The following AUTS2 variants were observed in gnomAD, a reference collection of about 807,000 sequenced individuals.
AUTS2 encodes autism susceptibility gene 2 protein.
AUTS2 carries 17 observed loss-of-function variants against 112.4 expected under a neutral mutation model. The observed-to-expected ratio is 0.15, with a 90% CI of 0.10 to 0.23. The LOEUF (loss-of-function observed/expected upper bound fraction) is 0.23, where lower values mean the gene tolerates loss of function less well. Ranked by LOEUF, AUTS2 falls within the 10% of genes least tolerant of loss-of-function variation. AUTS2 has a pLI of 1.00. For synonymous variants in AUTS2, 751 were observed against 702.7 expected, an observed-to-expected ratio of 1.07 and a Z score of -1.09; for missense variants, 1,510 against 1,701.6, an observed-to-expected ratio of 0.89 and a Z score of 1.98.
intron 5 of AUTS2, among the ~76,000 whole-genome samples, chr7:70,676,571 C>A (rs1350680108): frequency 1.3e-5 from 2 of 152,068 alleles, no homozygotes; most frequent in Non-Finnish European, 2.9e-5. Flanking sequence ...CAGACTCAGA[C>A]TTCACTTAAA....
intron 3 of AUTS2, among the ~76,000 whole-genome samples, chr7:70,128,061 A>G (rs1020772868): frequency 2.0e-5 from 3 of 152,032 alleles, no homozygotes; most frequent in Non-Finnish European, 4.4e-5. Flanking sequence ...CCACATTGTT[A>G]TAATTAGATT....
At chr7:70,169,241 T>C (rs1164270055) in intron 4 of AUTS2, among the ~76,000 whole-genome samples, 1 of 151,622 alleles carries the variant, frequency 6.6e-6, no homozygotes, top group Non-Finnish European at 1.5e-5. Flanking sequence ...TGATTATTAA[T>C]ATATATATAT....
intron 4 of AUTS2, among the ~76,000 whole-genome samples, chr7:70,145,668 A>T (rs1807088612): frequency 6.6e-6 from 1 of 152,168 alleles, no homozygotes; most frequent in Admixed American, 6.6e-5. Flanking sequence ...TGACATACAT[A>T]TAAATTTTGA....
chr7:70,105,014 T>TA (rs1049990415), intron 2 of AUTS2, among the ~76,000 whole-genome samples: 2 of 152,196 alleles, frequency 1.3e-5, no homozygotes, highest in African/African-American at 4.8e-5. Flanking sequence ...AAGGACAGCT[T>TA]ACGTTTTTAA....
At chr7:70,368,753 T>C (rs73173570) in intron 4 of AUTS2, among the ~76,000 whole-genome samples, 4,833 of 152,238 alleles carry the variant, frequency 0.032, 90 homozygotes, top group Middle Eastern at 0.078. Context: ...TGGTGATCAG[T>C]GCTCAAGACC....
chr7:70,398,748 A>G (rs1794195797), intron 4 of AUTS2, among the ~76,000 whole-genome samples: 1 of 152,148 alleles, frequency 6.6e-6, no homozygotes. Flanking sequence ...AGAACCTCCA[A>G]AACAATATTT....
chr7:70,062,614 C>T (rs1220181971), intron 2 of AUTS2, among the ~76,000 whole-genome samples: 1 of 152,122 alleles, frequency 6.6e-6, no homozygotes, highest in African/African-American at 2.4e-5. Context: ...CATCATTCTA[C>T]CGTGACATTT....
At chr7:70,753,425 T>A (rs192665915) in intron 6 of AUTS2, among the ~76,000 whole-genome samples, 1 of 152,306 alleles carries the variant, frequency 6.6e-6, no homozygotes, top group East Asian at 1.9e-4. Flanking sequence ...CAAGCACCCA[T>A]CATTCCCCCT....
Position 70,777,123 on chromosome 7 carries a change from T to C in AUTS2, c.1953T>C (p.Ala651=). The C allele has an allele frequency of 6.2e-7, 1 of 1,614,132 alleles. No homozygotes were observed. Among genetic ancestry groups the C allele is most frequent in the South Asian group, 1.1e-5 (1 of 91,088 alleles). Residue 651 remains alanine, a synonymous_variant, in exon 14 of 19, where the codon GCT becomes GCC. Transcript: ENST00000342771. The part of the protein sequence containing the change: ...PMLRKPGKWC[A]MHVHIAWQIY... ...TCCAGAAACCAGGGAAGTGGTGTGCTATGCATGTTCACATCGCCTGGCAGA... is the reference window on the plus strand; with the variant it reads ...TCCAGAAACCAGGGAAGTGGTGTGCCATGCATGTTCACATCGCCTGGCAGA...
chr7:70,786,961 TTTAACTTCCCCTG>T, intron 17 of AUTS2: 1 of 580,374 alleles, frequency 1.7e-6, no homozygotes, highest in East Asian at 3.0e-5. Context: ...CCTTTTCCTT[TTTAACTTCCCCTG>T]TCCCCACCTT....
chr7:70,003,900 T>A (rs1387428169), intron 2 of AUTS2, among the ~76,000 whole-genome samples: 53 of 83,594 alleles, frequency 6.3e-4, no homozygotes, highest in African/African-American at 1.3e-3. Context: ...ATATATATAT[T>A]ATATATGAAT....
chr7:69,925,276 T>C (rs1448188190), intron 2 of AUTS2, among the ~76,000 whole-genome samples: 3 of 152,218 alleles, frequency 2.0e-5, no homozygotes. Flanking sequence ...TTTCCTTCTT[T>C]CTGCTTACTT....
intron 2 of AUTS2, among the ~76,000 whole-genome samples, chr7:70,032,600 G>A (rs1349932862): frequency 1.3e-5 from 2 of 152,132 alleles, no homozygotes; most frequent in African/African-American, 4.8e-5. Context: ...AAGGCTTCCT[G>A]TGGACCCTTT....
At chr7:69,955,570 G>A (rs559254025) in intron 2 of AUTS2, among the ~76,000 whole-genome samples, 2 of 152,308 alleles carry the variant, frequency 1.3e-5, no homozygotes, top group African/African-American at 2.4e-5. Flanking sequence ...TACTGGCACC[G>A]CTCAGTGGCA....
intron 4 of AUTS2, among the ~76,000 whole-genome samples, chr7:70,399,228 G>A (rs932039615): frequency 1.3e-5 from 2 of 151,826 alleles, no homozygotes; most frequent in East Asian, 1.9e-4. Flanking sequence ...GGATTCAAGC[G>A]ATCCTCCTAC....
Position 70,300,364 on chromosome 7 carries a change from G to A in AUTS2, c.661-135388G>A, listed in dbSNP as rs1029339992. The stretch of plus-strand genomic sequence containing the variant: ...CTGCGGGTTCCACAAGCTTGGCCTA[G>A]CTAGATATTATATTTAATGTATCTC... On this transcript the variant is annotated intron_variant, in intron 4 of 18. Transcript: ENST00000342771. Among the ~76,000 whole-genome samples, 31 of 152,142 alleles carry A rather than the reference G, an allele frequency of 2.0e-4. 1 individual carries two copies. Among genetic ancestry groups the A allele is most frequent in the Middle Eastern group, 3.2e-3 (1 of 316 alleles).
At chr7:70,078,563 T>C (rs905518260) in intron 2 of AUTS2, among the ~76,000 whole-genome samples, 2 of 152,242 alleles carry the variant, frequency 1.3e-5, no homozygotes, top group African/African-American at 4.8e-5. Context: ...TACCATGCTC[T>C]ACCTACCTCA....
At chr7:70,256,387 A>G (rs866966451) in intron 4 of AUTS2, among the ~76,000 whole-genome samples, 8 of 152,200 alleles carry the variant, frequency 5.3e-5, no homozygotes, top group African/African-American at 1.2e-4. Flanking sequence ...ACAGGCAGCA[A>G]TGGTGGTGTC....
intron 5 of AUTS2, among the ~76,000 whole-genome samples, chr7:70,493,392 T>C (rs1798325916): frequency 6.6e-6 from 1 of 152,190 alleles, no homozygotes; most frequent in South Asian, 2.1e-4. Flanking sequence ...GATGGCTAAG[T>C]GAGTGCATGG....
Sources: allele counts gnomAD v4.1 joint callset (sites outside exome capture counted in the v4.1 genomes callset), GRCh38; gene constraint gnomAD v4.1.1; transcripts MANE v1.5; gene names NCBI Gene and HGNC (gene_info 2026-07-23, HGNC 2026-07-21).